Variants in PRRC2B observed in about 807,000 individuals in gnomAD.
The protein encoded by PRRC2B is protein PRRC2B.
In PRRC2B, 68 loss-of-function variants were observed where a neutral mutation model predicts 242.3. That is an observed-to-expected ratio of 0.28 (90% CI 0.23 to 0.34). The LOEUF (loss-of-function observed/expected upper bound fraction) is 0.34. PRRC2B is among the 10% of genes least tolerant of loss of function. The pLI is 1.00. For missense variants in PRRC2B, 2,835 were observed against 2,954.8 expected (o/e 0.96, Z 0.94); for synonymous variants, 1,228 against 1,173.6 (o/e 1.05, Z -0.95).
chr9:131,449,219 A>G (rs1158244133), intron 9 of PRRC2B, among the ~76,000 whole-genome samples: 1 of 152,206 alleles, frequency 6.6e-6, no homozygotes, highest in Non-Finnish European at 1.5e-5. Context: ...GTAAGTATCT[A>G]GAATTGTTGG....
At chr9:131,428,997 C>T (rs935592695) in intron 1 of PRRC2B, among the ~76,000 whole-genome samples, 2 of 152,166 alleles carry the variant, frequency 1.3e-5, no homozygotes, top group African/African-American at 4.8e-5. Flanking sequence ...GCTCTGTCGC[C>T]TAGACGGGAG....
In PRRC2B at chr9:131,481,721, G is replaced by C. The variant is rs372593880; in HGVS notation, c.4901-5G>C. 2,277 of 1,558,452 alleles carry C rather than the reference G, an allele frequency of 1.5e-3. 4 individuals carry two copies. Among genetic ancestry groups the C allele is most frequent in the Non-Finnish European group, 1.8e-3 (2,105 of 1,151,440 alleles). The stretch of plus-strand genomic sequence containing the variant: ...TGCCCTGACTCTGTCTTCCTCCCCT[G>C]GCAGCTCTCCCTGTGCAGGCCCCAG... On this transcript the variant is annotated splice_polypyrimidine_tract_variant and splice_region_variant and intron_variant, in intron 19 of 31. Transcript: ENST00000683519.
At chr9:131,400,486 T>G (rs140505166) in intron 1 of PRRC2B, among the ~76,000 whole-genome samples, 3,304 of 151,964 alleles carry the variant, frequency 0.022, 59 homozygotes, top group Middle Eastern at 0.038. Flanking sequence ...CCTGGCTACT[T>G]TTTGTATTTT....
At chr9:131,413,213 G>A (rs956590006) in intron 1 of PRRC2B, among the ~76,000 whole-genome samples, 2 of 152,094 alleles carry the variant, frequency 1.3e-5, no homozygotes, top group African/African-American at 4.8e-5. Flanking sequence ...ACCTTTCTTA[G>A]CATTCCACAA....
At chr9:131,436,586 C>A in intron 3 of PRRC2B, 34 bp from the exon 4 acceptor site, 1 of 1,564,768 alleles carries the variant, frequency 6.4e-7, no homozygotes, top group Non-Finnish European at 8.8e-7. Context: ...GCACTCTGTG[C>A]GGTGCCTGAC....
In PRRC2B at chr9:131,465,985, A is replaced by G. The variant is rs140746698; in HGVS notation, c.1720+907A>G. On this transcript the variant is annotated intron_variant, in intron 12 of 31. Coordinates refer to ENST00000683519, the MANE Select transcript of PRRC2B (RefSeq NM_013318.4). Reference sequence around the variant, plus strand: ...AGTGATCCACCTGGCTTGGCCTCCCAAAGTGCTGAGATTACAGGCGTGAGC... The same window carrying G: ...AGTGATCCACCTGGCTTGGCCTCCCGAAGTGCTGAGATTACAGGCGTGAGC... 5.6e-3 allele frequency among the ~76,000 whole-genome samples: 849 copies of G among 152,328 alleles called. 8 individuals are homozygous for G. The highest frequency in any genetic ancestry group is 0.02 in the African/African-American group (819 of 41,576).
At chr9:131,386,887 C>A (rs1836833311) in intron 1 of PRRC2B, among the ~76,000 whole-genome samples, 1 of 149,908 alleles carries the variant, frequency 6.7e-6, no homozygotes, top group South Asian at 2.1e-4. Flanking sequence ...CACAAGGTCC[C>A]ACAACAGGCT....
chr9:131,430,217 G>C lies in PRRC2B; in HGVS notation c.73G>C (p.Asp25His). 1 of 1,606,700 alleles carries C rather than the reference G, an allele frequency of 6.2e-7. No individual in the cohort carries two copies. ...KSKYSTLSLF[D>H]KYKGKSVDAI... The stretch of plus-strand genomic sequence containing the variant: ...CAAGTACTCGACTCTCAGCCTGTTT[G>C]ATAAGTATAAAGGAAAATCAGTAGA... Residue 25 changes from aspartate to histidine, a missense_variant, in exon 2 of 32, where the codon GAT (aspartate) becomes CAT (histidine). Coordinates refer to ENST00000683519, the MANE Select transcript of PRRC2B (RefSeq NM_013318.4).
At chr9:131,412,462 G>A (rs533142285) in intron 1 of PRRC2B, among the ~76,000 whole-genome samples, 9 of 151,906 alleles carry the variant, frequency 5.9e-5, no homozygotes, top group South Asian at 2.1e-4. Context: ...GCCACAGTGC[G>A]GGTATGTGCG....
chr9:131,437,468 A>C lies in PRRC2B; in HGVS notation c.396+746A>C, dbSNP rs558854867. On this transcript the variant is annotated intron_variant, in intron 4 of 31. Coordinates refer to ENST00000683519, the MANE Select transcript of PRRC2B (RefSeq NM_013318.4). The stretch of plus-strand genomic sequence containing the variant: ...CAGAGATTGGCAGGAGGATATACTT[A>C]GCCAGAACTAGAAATCTAGATGAGA... Among the ~76,000 whole-genome samples the C allele has an allele frequency of 2.0e-5, 3 of 152,388 alleles. No individual in the cohort carries two copies. The South Asian group carries it at 6.2e-4, about 32-fold the overall frequency.
At chr9:131,486,924 G>A (rs1944040085) in intron 26 of PRRC2B, among the ~76,000 whole-genome samples, 1 of 152,232 alleles carries the variant, frequency 6.6e-6, no homozygotes, top group South Asian at 2.1e-4. Context: ...GTATGTGCTA[G>A]GATCCATTTT....
At chr9:131,427,185 C>G (rs1359292078) in intron 1 of PRRC2B, among the ~76,000 whole-genome samples, 1 of 152,322 alleles carries the variant, frequency 6.6e-6, no homozygotes, top group South Asian at 2.1e-4. Flanking sequence ...CAGTCAATAC[C>G]TGTTAAATGA....
At chr9:131,430,340 T>A (rs1292176712) in intron 2 of PRRC2B, 81 bp downstream of exon 2, 3 of 825,612 alleles carry the variant, frequency 3.6e-6, no homozygotes, top group Non-Finnish European at 6.1e-6. Context: ...CTCACCTGGT[T>A]AGACAGATGT....
chr9:131,407,900 C>T (rs556858177), intron 1 of PRRC2B, among the ~76,000 whole-genome samples: 6 of 152,266 alleles, frequency 3.9e-5, no homozygotes, highest in East Asian at 3.9e-4. Flanking sequence ...ACCTTAGTGG[C>T]GGTTAGGAGG....
intron 15 of PRRC2B, among the ~76,000 whole-genome samples, chr9:131,474,131 G>A (rs1474547663): frequency 1.3e-5 from 2 of 152,096 alleles, no homozygotes; most frequent in East Asian, 1.9e-4. Flanking sequence ...TCTTTGACCC[G>A]GAGGATTGCC....
At chr9:131,435,165 G>A (rs889231370) in intron 3 of PRRC2B, among the ~76,000 whole-genome samples, 14 of 151,712 alleles carry the variant, frequency 9.2e-5, no homozygotes, top group Admixed American at 3.3e-4. Flanking sequence ...GGGCGTGGTC[G>A]TGCACGCCTG....
chr9:131,398,987 A>G (rs1837144820), intron 1 of PRRC2B, among the ~76,000 whole-genome samples: 1 of 149,916 alleles, frequency 6.7e-6, no homozygotes, highest in African/African-American at 2.5e-5. Flanking sequence ...CAAAAGAATA[A>G]AAAGTAGGTC....
In PRRC2B at chr9:131,459,205, G is replaced by C. The variant is rs772426489; in HGVS notation, c.1253G>C (p.Ser418Thr). 2 of 1,614,016 alleles carry C rather than the reference G, an allele frequency of 1.2e-6. No homozygotes were observed. The highest frequency in any genetic ancestry group is 2.2e-5 in the South Asian group (2 of 91,090). The change falls in exon 11 of 32, where the codon AGC becomes ACC. Residue 418 changes from serine to threonine, a missense_variant. By Grantham distance (58) the Ser-to-Thr change is moderately conservative. Transcript: ENST00000683519. ...AGGAGGCAGCGGCAGTTGTCAATGA[G>C]CTCTGCAGACAGTGCGGACGCTAAG... ...DPRRQRQLSMSSADSADAKRT... is the reference protein window; with the variant it reads ...DPRRQRQLSMTSADSADAKRT...
At chr9:131,414,302 A>G (rs1033210175) in intron 1 of PRRC2B, among the ~76,000 whole-genome samples, 4 of 150,508 alleles carry the variant, frequency 2.7e-5, no homozygotes, top group Non-Finnish European at 5.9e-5. Flanking sequence ...AAAACAATAA[A>G]GCCTCTAGAA....
Sources: allele counts gnomAD v4.1 joint callset (sites outside exome capture counted in the v4.1 genomes callset), GRCh38; gene constraint gnomAD v4.1.1; transcripts MANE v1.5; gene names NCBI Gene and HGNC (gene_info 2026-07-23, HGNC 2026-07-21).